Variants in SLC7A2 observed in about 807,000 individuals in gnomAD.
The protein encoded by SLC7A2 is cationic amino acid transporter 2.
Under a neutral mutation model 58.9 loss-of-function variants are expected in SLC7A2, and 48 were observed. That is an observed-to-expected ratio of 0.82 (90% CI 0.65 to 1.04). The LOEUF is 1.04. SLC7A2 is among the 50% of genes least tolerant of loss of function. SLC7A2 has a pLI of 0.00. For synonymous variants in SLC7A2, 363 were observed against 314.5 expected (o/e 1.15, Z -1.63); for missense variants, 1,029 against 818.8 (o/e 1.26, Z -3.13).
upstream of SLC7A2, among the ~76,000 whole-genome samples, chr8:17,495,710 C>T (rs1030076947): frequency 1.3e-5 from 2 of 152,158 alleles, no homozygotes; most frequent in Non-Finnish European, 2.9e-5. Flanking sequence ...CCGCCGCGCC[C>T]GGCTAATTTT....
intron 2 of SLC7A2, among the ~76,000 whole-genome samples, chr8:17,526,905 A>G (rs1204052838): frequency 6.6e-6 from 1 of 152,186 alleles, no homozygotes; most frequent in Non-Finnish European, 1.5e-5. Context: ...CACTTAATAT[A>G]TTGTGATAAC....
chr8:17,510,287 A>C (rs1585187138), intron 2 of SLC7A2, among the ~76,000 whole-genome samples: 1 of 152,198 alleles, frequency 6.6e-6, no homozygotes, highest in East Asian at 1.9e-4. Context: ...TGTGTACGAA[A>C]GTATCTGCAG....
At chr8:17,508,251 A>C (rs1476502643) in intron 2 of SLC7A2, among the ~76,000 whole-genome samples, 1 of 152,212 alleles carries the variant, frequency 6.6e-6, no homozygotes, top group African/African-American at 2.4e-5. Context: ...GGATCACATG[A>C]ACTTTTTGAA....
At chr8:17,510,741 C>T (rs1207972342) in intron 2 of SLC7A2, 1 of 152,092 alleles carries the variant, frequency 6.6e-6, no homozygotes, top group Non-Finnish European at 1.5e-5. Context: ...CCCAGCAGTC[C>T]CATCATGGGG....
intron 6 of SLC7A2, among the ~76,000 whole-genome samples, chr8:17,551,183 G>C (rs902925526): frequency 6.6e-6 from 1 of 152,150 alleles, no homozygotes; most frequent in African/African-American, 2.4e-5. Flanking sequence ...TGGTTGGTTG[G>C]TTGGTTTTTT....
chr8:17,555,190 C>A (rs1033969186), intron 8 of SLC7A2: 5 of 938,586 alleles, frequency 5.3e-6, no homozygotes, highest in Non-Finnish European at 7.6e-6. Context: ...TTAAAAAAAA[C>A]AAAATCACTG....
intron 11 of SLC7A2, among the ~76,000 whole-genome samples, 160 bp downstream of exon 11, chr8:17,562,270 A>T (rs1005779445): frequency 7.4e-6 from 1 of 134,242 alleles, no homozygotes; most frequent in Non-Finnish European, 1.5e-5. Context: ...GAGCGAAGTG[A>T]TCTTGGCTCA....
At chr8:17,516,601 G>A (rs1303937863) in intron 2 of SLC7A2, among the ~76,000 whole-genome samples, 1 of 152,228 alleles carries the variant, frequency 6.6e-6, no homozygotes, top group Non-Finnish European at 1.5e-5. Flanking sequence ...GTAACTCGTA[G>A]AGATTATTAG....
Position 17,565,008 on chromosome 8 carries a change from T to C in SLC7A2, c.1839T>C (p.Asp613=), listed in dbSNP as rs746643580. 6.2e-7 allele frequency: 1 copy of C among 1,613,716 alleles called. No individual in the cohort carries two copies. Among genetic ancestry groups the C allele is most frequent in the Non-Finnish European group, 8.5e-7 (1 of 1,179,888 alleles). The part of the protein sequence containing the change: ...IRHSLEGHLR[D]ENNEEDAYPD... Reference sequence around the variant, plus strand: ...ACAGCCTGGAGGGTCATCTGAGAGATGAAAACAATGAAGAAGATGCTTATC... The same window carrying C: ...ACAGCCTGGAGGGTCATCTGAGAGACGAAAACAATGAAGAAGATGCTTATC... Residue 613 remains aspartate, a synonymous_variant, in exon 13 of 13, where the codon GAT becomes GAC. Coordinates refer to ENST00000494857, the MANE Select transcript of SLC7A2 (RefSeq NM_001370338.1).
intron 2 of SLC7A2, among the ~76,000 whole-genome samples, chr8:17,535,548 C>T (rs1221594460): frequency 6.6e-6 from 1 of 152,112 alleles, no homozygotes; most frequent in Non-Finnish European, 1.5e-5. Flanking sequence ...TGTTTCAGGG[C>T]CTGATAGGGT....
chr8:17,502,690 T>C (rs529123697), intron 2 of SLC7A2, among the ~76,000 whole-genome samples: 1 of 152,236 alleles, frequency 6.6e-6, no homozygotes, highest in South Asian at 2.1e-4. Flanking sequence ...TGATTCACAG[T>C]TTTTAGTCTA....
intron 4 of SLC7A2, among the ~76,000 whole-genome samples, chr8:17,545,041 T>C (rs970330378): frequency 1.3e-5 from 2 of 152,194 alleles, no homozygotes; most frequent in African/African-American, 2.4e-5. Flanking sequence ...AGGCCTTTGA[T>C]TGTAAAGGAA....
At position 17,548,824 on chromosome 8, in the gene SLC7A2, A is replaced by G. The variant is rs759290286; in HGVS notation, c.679A>G (p.Asn227Asp). 1 of 1,608,214 alleles carries G rather than the reference A, an allele frequency of 6.2e-7. No individual in the cohort carries two copies. The highest frequency in any genetic ancestry group is 1.3e-5 in the African/African-American group (1 of 74,378). The part of the protein sequence containing the change: ...NWKISEEFLK[N>D]ISASAREPPS... ...GAAGATTAGTGAAGAGTTTCTCAAA[A>G]ATATATCAGCAAGTGCCAGGTAAAA... The change falls in exon 5 of 13, where the codon AAT (asparagine) becomes GAT (aspartate). Residue 227 changes from asparagine (N) to aspartate (D), a missense_variant. Coordinates refer to ENST00000494857, the MANE Select transcript of SLC7A2 (RefSeq NM_001370338.1).
At chr8:17,504,121 G>A (rs1253450129) in intron 2 of SLC7A2, among the ~76,000 whole-genome samples, 1 of 152,202 alleles carries the variant, frequency 6.6e-6, no homozygotes, top group African/African-American at 2.4e-5. Context: ...CTTTGTGAAG[G>A]CATTGGTAGA....
intron 2 of SLC7A2, among the ~76,000 whole-genome samples, chr8:17,534,694 G>GAAAAAAAAA (rs34390459): frequency 2.3e-5 from 3 of 128,350 alleles, no homozygotes; most frequent in Non-Finnish European, 3.3e-5. Context: ...GTTTCAAATG[G>GAAAAAAAAA]AAAAAAAAAA....
Position 17,551,925 on chromosome 8 carries a change from G to C in SLC7A2, c.994G>C (p.Val332Leu). The C allele has an allele frequency of 6.2e-7, 1 of 1,614,006 alleles. No homozygotes were observed. The highest frequency in any genetic ancestry group is 8.5e-7 in the Non-Finnish European group (1 of 1,180,006). Residue 332 changes from valine to leucine, a missense_variant, in exon 7 of 13, where the codon GTG becomes CTG. Physicochemically the swap from Val to Leu is conservative, Grantham distance 32. Transcript: ENST00000494857. ...CCCCCTTCCTGTAGCGTTTGAATAT[G>C]TGGGATGGGGTCCTGCCAAATATGT... ...KSPLPVAFEYVGWGPAKYVVA... is the reference protein window; with the variant it reads ...KSPLPVAFEYLGWGPAKYVVA...
chr8:17,560,554 A>C, intron 10 of SLC7A2, 21 bp downstream of exon 10: 1 of 1,586,120 alleles, frequency 6.3e-7, no homozygotes, highest in Non-Finnish European at 8.7e-7. Flanking sequence ...TTCTCTGCTT[A>C]CATTGTACAG....
intron 12 of SLC7A2, among the ~76,000 whole-genome samples, chr8:17,564,395 A>C (rs1803166084): frequency 1.3e-5 from 2 of 152,242 alleles, no homozygotes; most frequent in African/African-American, 4.8e-5. Flanking sequence ...TCTTCACAAT[A>C]GAGAGGCACA....
intron 2 of SLC7A2, among the ~76,000 whole-genome samples, chr8:17,533,124 C>T (rs922487309): frequency 2.6e-5 from 4 of 152,166 alleles, no homozygotes; most frequent in Non-Finnish European, 4.4e-5. Flanking sequence ...TAATTGCTTT[C>T]TCTGAGCACA....
Sources: gnomAD v4.1 joint callset for allele counts (sites outside exome capture counted in the v4.1 genomes callset) on GRCh38, gnomAD v4.1.1 for gene constraint, MANE v1.5 for transcripts, NCBI Gene and HGNC (gene_info 2026-07-23, HGNC 2026-07-21) for gene names.